The following BCAR1 variants were observed in gnomAD, a reference collection of about 807,000 sequenced individuals.
BCAR1 encodes the protein BCAR1 scaffold protein, Cas family member, also known as breast cancer anti-estrogen resistance protein 1.
A neutral mutation model predicts 67.6 loss-of-function variants in BCAR1; 30 were observed. The observed-to-expected ratio is 0.44, with a 90% CI of 0.33 to 0.60. The LOEUF (loss-of-function observed/expected upper bound fraction) is 0.60, where lower values mean the gene tolerates loss of function less well. BCAR1 is among the 20% of genes least tolerant of loss of function. BCAR1 has a pLI of 0.02. For missense variants in BCAR1, 1,313 were observed against 1,222.3 expected (o/e 1.07, Z -1.11); for synonymous variants, 626 against 556.7 (o/e 1.12, Z -1.75).
chr16:75,235,504 C>A lies in BCAR1; in HGVS notation c.1395G>T (p.Arg465=). Residue 465 remains arginine, a synonymous_variant, in exon 5 of 7, where the codon CGG becomes CGT. Transcript: ENST00000162330. ...ELEVAVEALA[R]LQQGVSATVA... ...CGGTGGCGCTCACACCCTGCTGCAG[C>A]CGTGCCAGGGCCTCCACAGCAACTT... 1.9e-6 allele frequency: 3 copies of A among 1,597,862 alleles called. No homozygotes were observed. The highest frequency in any genetic ancestry group is 1.1e-5 in the South Asian group (1 of 89,296).
intron 1 of BCAR1, among the ~76,000 whole-genome samples, chr16:75,257,894 A>T (rs1362092756): frequency 6.6e-6 from 1 of 152,168 alleles, no homozygotes; most frequent in Non-Finnish European, 1.5e-5. Flanking sequence ...CCAGGCTTAG[A>T]CTAGAGGAAG....
chr16:75,244,921 G>T (rs2077468630), intron 1 of BCAR1, among the ~76,000 whole-genome samples: 2 of 152,248 alleles, frequency 1.3e-5, no homozygotes. Flanking sequence ...AGACACCAGA[G>T]ATGTCTGAGA....
chr16:75,253,317 C>T (rs1228481749), upstream of BCAR1, among the ~76,000 whole-genome samples: 2 of 152,216 alleles, frequency 1.3e-5, no homozygotes, highest in Non-Finnish European at 2.9e-5. Flanking sequence ...CATCCCTGGG[C>T]CTCCACTTCT....
intron 1 of BCAR1, among the ~76,000 whole-genome samples, chr16:75,267,444 C>A (rs984102784): frequency 7.3e-5 from 11 of 150,970 alleles, no homozygotes; most frequent in African/African-American, 2.7e-4. Context: ...CCTCAAAGGG[C>A]GCTCTGTGCA....
At chr16:75,238,913 C>T in intron 2 of BCAR1, 1 of 985,392 alleles carries the variant, frequency 1.0e-6, no homozygotes, top group Non-Finnish European at 1.2e-6. Flanking sequence ...GACCCAGCCT[C>T]AAGGCTCAGC....
chr16:75,248,373 T>C, intron 1 of BCAR1: 1 of 1,252,010 alleles, frequency 8.0e-7, no homozygotes, highest in Non-Finnish European at 1.0e-6. Flanking sequence ...CCAAGTTTAT[T>C]TCTGGGGCAT....
chr16:75,250,325 C>T (rs1009509029), intron 1 of BCAR1, among the ~76,000 whole-genome samples: 1 of 152,142 alleles, frequency 6.6e-6, no homozygotes, highest in East Asian at 1.9e-4. Flanking sequence ...CCAGGCACCC[C>T]GACACCTGCT....
intron 1 of BCAR1, among the ~76,000 whole-genome samples, chr16:75,265,645 G>T (rs547742722): frequency 2.6e-5 from 4 of 152,140 alleles, no homozygotes; most frequent in African/African-American, 9.6e-5. Flanking sequence ...GGCGGGGGCA[G>T]AGAGGCCGGC....
At position 75,231,116 on chromosome 16, in the gene BCAR1, A is replaced by T. The variant is rs538324502; in HGVS notation, c.2101-1093T>A. ...GGCTAATCTTTTTTTTTTTTTTTTTAAATGGAGTCTTGCTCTATCGCCCAG... is the reference window on the plus strand; with the variant it reads ...GGCTAATCTTTTTTTTTTTTTTTTTTAATGGAGTCTTGCTCTATCGCCCAG... On this transcript the variant is annotated intron_variant, in intron 6 of 6. Coordinates refer to ENST00000162330, the MANE Select transcript of BCAR1 (RefSeq NM_014567.5). 5.6e-3 allele frequency among the ~76,000 whole-genome samples: 775 copies of T among 137,778 alleles called. 3 individuals are homozygous for T. The highest frequency in any genetic ancestry group is 0.02 in the African/African-American group (735 of 36,632). 90.4% of individuals were successfully genotyped at this position (137,778 alleles called of 152,430 possible).
rs544914917 is a variant in BCAR1, at chr16:75,263,263, G to A, written c.66+4652C>T. 62 of 985,436 alleles carry A rather than the reference G, an allele frequency of 6.3e-5. No homozygotes were observed. The South Asian group carries it at 2.6e-3, about 41-fold the overall frequency. 61.0% of individuals were successfully genotyped at this position (985,436 alleles called of 1,614,324 possible). ...GGCCTCTTACCTGGCAGGGCTGGGG[G>A]TGGCCAGCACCTGCCACCCCTAAAC... On this transcript the variant is annotated intron_variant, in intron 1 of 6. Transcript: ENST00000393422.
In BCAR1 at chr16:75,245,069, G is replaced by A. The variant is rs114042574; in HGVS notation, c.13-1979C>T. On this transcript the variant is annotated intron_variant, in intron 1 of 6. Coordinates refer to ENST00000162330, the MANE Select transcript of BCAR1 (RefSeq NM_014567.5). ...TGAGGCAGGACGGGACAGGCAGTGC[G>A]GCAGGTCTAGGGGCCAGAGCCCCAC... Among the ~76,000 whole-genome samples the A allele has an allele frequency of 4.0e-3, 609 of 152,364 alleles. 1 individual carries two copies. The highest frequency in any genetic ancestry group is 0.013 in the African/African-American group (554 of 41,596).
rs189761144 is a variant in BCAR1, at chr16:75,242,857, C to A, written c.246G>T (p.Pro82=). 4 of 1,606,756 alleles carry A rather than the reference C, an allele frequency of 2.5e-6. No individual in the cohort carries two copies. The African/African-American group carries it at 5.4e-5, about 22-fold the overall frequency. The change falls in exon 2 of 7, where the codon CCG becomes CCT. Residue 82 remains proline (P), a synonymous_variant. Coordinates refer to ENST00000162330, the MANE Select transcript of BCAR1 (RefSeq NM_014567.5). ...AGPGPGPPAT[P]AQPQPGLHAP... ...CATGGAGGCCAGGCTGAGGCTGGGC[C>A]GGGGTGGCGGGAGGGCCGGGGCCAG...
At chr16:75,265,925 G>T in intron 1 of BCAR1, 1 of 1,102,236 alleles carries the variant, frequency 9.1e-7, no homozygotes, top group Non-Finnish European at 1.1e-6. Flanking sequence ...GCCCCGCGAG[G>T]GGTCCCGGCG....
At chr16:75,234,753 G>C in intron 5 of BCAR1, 136 bp downstream of exon 5, 1 of 1,335,850 alleles carries the variant, frequency 7.5e-7, no homozygotes, top group Non-Finnish European at 1.0e-6. Flanking sequence ...GGCCAATGTG[G>C]GGTGAGGGAG....
At position 75,229,943 on chromosome 16, in the gene BCAR1, G is replaced by C. The variant is rs755536298; in HGVS notation, c.2181C>G (p.Pro727=). 1.1e-5 allele frequency: 17 copies of C among 1,601,464 alleles called. No individual in the cohort carries two copies. The African/African-American group carries it at 2.0e-4, about 19-fold the overall frequency. Residue 727 remains proline (P), a synonymous_variant, in exon 7 of 7, where the codon CCC becomes CCG. Transcript: ENST00000162330. ...HDLANWTPAQ[P]LAPGRTGGLG... The stretch of plus-strand genomic sequence containing the variant: ...GGCCGCCTGTTCGCCCCGGGGCCAG[G>C]GGTTGGGCTGGCGTCCAGTTGGCCA...
At chr16:75,256,937 C>G (rs1286363442) in intron 1 of BCAR1, among the ~76,000 whole-genome samples, 1 of 152,186 alleles carries the variant, frequency 6.6e-6, no homozygotes, top group East Asian at 1.9e-4. Context: ...CATGTGCACT[C>G]TGCCCCGCTG....
chr16:75,234,995 C>T lies in BCAR1; in HGVS notation c.1904G>A (p.Arg635Gln). The change falls in exon 5 of 7, where the codon CGA becomes CAA. Residue 635 changes from arginine (R) to glutamine (Q), a missense_variant. This residue lies in a region of BCAR1 where 1,272 missense variants were observed against 1,137.5 expected (regional missense o/e 1.12). Coordinates refer to ENST00000162330, the MANE Select transcript of BCAR1 (RefSeq NM_014567.5). ...PTDKTSSIQSRPLPSPPKFTS... is the reference protein window; with the variant it reads ...PTDKTSSIQSQPLPSPPKFTS... ...GAACTTAGGGGGTGAGGGCAGGGGT[C>T]GTGACTGGATGCTGCTGGTCTTGTC... 9 of 1,611,032 alleles carry T rather than the reference C, an allele frequency of 5.6e-6. No homozygotes were observed. Among genetic ancestry groups the T allele is most frequent in the Non-Finnish European group, 7.6e-6 (9 of 1,178,186 alleles).
intron 1 of BCAR1, 75 bp downstream of exon 1, chr16:75,251,396 C>T (rs1023496384): frequency 2.0e-5 from 30 of 1,467,236 alleles, no homozygotes; most frequent in Non-Finnish European, 2.5e-5. Flanking sequence ...GCAGGAAATG[C>T]CGCTCGCTTA....
rs906671222 is a variant in BCAR1, at chr16:75,233,132, G to C, written c.2100+714C>G. Among the ~76,000 whole-genome samples, 6 of 152,332 alleles carry C rather than the reference G, an allele frequency of 3.9e-5. No individual in the cohort carries two copies. The South Asian group carries it at 6.2e-4, about 16-fold the overall frequency. On this transcript the variant is annotated intron_variant, in intron 6 of 6. Transcript: ENST00000162330. ...TCACACTATAATCCCAGCACTTTGG[G>C]AGGCCAAGGCAGGTGGATCGTTTGA... is the stretch of plus-strand genomic sequence containing the variant.
Sources: allele counts gnomAD v4.1 joint callset (sites outside exome capture counted in the v4.1 genomes callset), GRCh38; gene constraint gnomAD v4.1.1; regional missense constraint gnomAD v4.1.1; transcripts MANE v1.5; gene names NCBI Gene and HGNC (gene_info 2026-07-23, HGNC 2026-07-21).